Variants in ROBO2 observed in about 807,000 individuals in gnomAD.
The protein encoded by ROBO2 is roundabout homolog 2.
ROBO2 carries 53 observed loss-of-function variants against 160.8 expected under a neutral mutation model. The observed-to-expected ratio is 0.33, with a 90% confidence interval of 0.26 to 0.41. ROBO2 has a LOEUF of 0.41. Ranked by LOEUF, ROBO2 falls within the 10% of genes least tolerant of loss-of-function variation. ROBO2 has a pLI of 1.00. For synonymous variants in ROBO2, 664 were observed against 611.7 expected (o/e 1.09, Z -1.26); for missense variants, 1,577 against 1,722.4 (o/e 0.92, Z 1.49).
chr3:77,092,498 C>T (rs1303278194), intron 1 of ROBO2, among the ~76,000 whole-genome samples: 5 of 149,144 alleles, frequency 3.4e-5, no homozygotes, highest in African/African-American at 1.2e-4. Context: ...TCTTTAGGAT[C>T]CTCTGAACAA....
At chr3:77,451,682 C>T (rs1364345423) in intron 2 of ROBO2, among the ~76,000 whole-genome samples, 1 of 152,104 alleles carries the variant, frequency 6.6e-6, no homozygotes, top group Non-Finnish European at 1.5e-5. Context: ...TATCTCTCCC[C>T]TCTCCTGCCC....
chr3:76,227,012 G>A lies in ROBO2; in HGVS notation c.109+289410G>A, dbSNP rs535629476. 1.7e-4 allele frequency among the ~76,000 whole-genome samples: 26 copies of A among 152,292 alleles called. 1 individual carries two copies. In the Middle Eastern group the frequency reaches 0.017, roughly 100 times the overall value. On this transcript the variant is annotated intron_variant, in intron 2 of 26. Transcript: ENST00000487694. ...TCCAGGAACAAGAAGAGATGACGGG[G>A]CCTGGGTGTTGGCATTCACCAGCAT...
At chr3:77,446,364 G>T (rs2080510629) in intron 2 of ROBO2, among the ~76,000 whole-genome samples, 1 of 151,846 alleles carries the variant, frequency 6.6e-6, no homozygotes, top group Non-Finnish European at 1.5e-5. Flanking sequence ...TTCATAATTT[G>T]AAACCAATAA....
chr3:76,457,550 C>T (rs13072020), intron 2 of ROBO2, among the ~76,000 whole-genome samples: 50,595 of 151,918 alleles, frequency 0.33, 8,582 homozygotes, highest in East Asian at 0.37. Flanking sequence ...TGCAAGCTGT[C>T]GGTGGATCTG....
chr3:77,049,090 A>C (rs2064969514), intron 1 of ROBO2, among the ~76,000 whole-genome samples: 1 of 152,106 alleles, frequency 6.6e-6, no homozygotes, highest in African/African-American at 2.4e-5. Context: ...ACAATTTGGG[A>C]GGCTGAAGCT....
intron 17 of ROBO2, among the ~76,000 whole-genome samples, chr3:77,593,322 G>C (rs191581008): frequency 7.9e-5 from 12 of 151,314 alleles, no homozygotes; most frequent in Non-Finnish European, 2.9e-5. Flanking sequence ...AATATCTCCA[G>C]TGCTCAATTT....
intron 2 of ROBO2, among the ~76,000 whole-genome samples, chr3:76,770,815 A>T (rs1452554379): frequency 6.6e-6 from 1 of 151,288 alleles, no homozygotes; most frequent in Non-Finnish European, 1.5e-5. Flanking sequence ...AATGCCTCCA[A>T]CTGAGGTGAT....
chr3:76,943,700 T>C (rs1292860529), intron 2 of ROBO2, among the ~76,000 whole-genome samples: 1 of 152,204 alleles, frequency 6.6e-6, no homozygotes, highest in Non-Finnish European at 1.5e-5. Context: ...TTTGTATCAG[T>C]ACTTTTTTTT....
At position 76,789,306 on chromosome 3, in the gene ROBO2, C is replaced by A. The variant is rs1240552818; in HGVS notation, c.110-308708C>A. ...ATAGCAATGGCTTCGTTTTTCCAAG[C>A]AGAACAGTACAAATTACTGTTTAAT... On this transcript the variant is annotated intron_variant, in intron 2 of 26. Coordinates refer to the ROBO2 transcript ENST00000487694. Among the ~76,000 whole-genome samples, 6 of 151,386 alleles carry A rather than the reference C, an allele frequency of 4.0e-5. No homozygotes were observed. The Admixed American group carries it at 4.0e-4, about 10-fold the overall frequency.
chr3:77,007,457 A>G (rs557473352), intron 2 of ROBO2, among the ~76,000 whole-genome samples: 17 of 152,190 alleles, frequency 1.1e-4, no homozygotes, highest in African/African-American at 3.6e-4. Context: ...ACCCGGGTCT[A>G]TATATTTACA....
chr3:75,990,222 A>G (rs1029261092), intron 2 of ROBO2, among the ~76,000 whole-genome samples: 23 of 152,350 alleles, frequency 1.5e-4, no homozygotes, highest in African/African-American at 5.3e-4. Context: ...CAAGCTTATA[A>G]AGTATGTTTT....
chr3:76,922,732 C>T (rs1003102853), intron 2 of ROBO2, among the ~76,000 whole-genome samples: 5 of 152,204 alleles, frequency 3.3e-5, no homozygotes, highest in African/African-American at 1.2e-4. Context: ...CTCATCACTT[C>T]TCCCAGCCGC....
At chr3:75,919,679 G>T (rs1180201574) in intron 1 of ROBO2, among the ~76,000 whole-genome samples, 5 of 151,998 alleles carry the variant, frequency 3.3e-5, no homozygotes, top group South Asian at 4.1e-4. Context: ...GCTTTTTTTG[G>T]TTGGTAGGCT....
chr3:76,710,241 C>G (rs766026588), intron 2 of ROBO2, among the ~76,000 whole-genome samples: 3 of 152,076 alleles, frequency 2.0e-5, no homozygotes, highest in Non-Finnish European at 4.4e-5. Context: ...CTGCCTCAGC[C>G]TCCCGAGTAG....
intron 2 of ROBO2, among the ~76,000 whole-genome samples, chr3:76,098,644 A>T (rs564061611): frequency 2.0e-5 from 3 of 152,154 alleles, no homozygotes; most frequent in Non-Finnish European, 4.4e-5. Flanking sequence ...ATAAATTATC[A>T]TTTAAGACAT....
intron 2 of ROBO2, among the ~76,000 whole-genome samples, chr3:76,052,812 A>C (rs1398625137): frequency 6.6e-6 from 1 of 152,042 alleles, no homozygotes; most frequent in African/African-American, 2.4e-5. Flanking sequence ...ATATTTTGTA[A>C]AGCTCATTCT....
At chr3:77,462,274 C>T (rs948910329) in intron 2 of ROBO2, among the ~76,000 whole-genome samples, 1 of 152,114 alleles carries the variant, frequency 6.6e-6, no homozygotes, top group African/African-American at 2.4e-5. Context: ...AAAAGGTTGT[C>T]ATCGAATTCG....
intron 5 of ROBO2, among the ~76,000 whole-genome samples, chr3:77,521,796 A>T (rs1470807241): frequency 6.6e-6 from 1 of 151,294 alleles, no homozygotes; most frequent in African/African-American, 2.4e-5. Context: ...TGGTTATGGC[A>T]GTTTTAAATG....
intron 8 of ROBO2, among the ~76,000 whole-genome samples, chr3:77,553,734 A>T (rs554111058): frequency 2.6e-4 from 39 of 151,958 alleles, no homozygotes; most frequent in Non-Finnish European, 4.7e-4. Flanking sequence ...CAAGGCCCTA[A>T]CTGTCTTCAA....
Sources: allele counts gnomAD v4.1 joint callset (sites outside exome capture counted in the v4.1 genomes callset), GRCh38; gene constraint gnomAD v4.1.1; transcripts MANE v1.5; gene names NCBI Gene and HGNC (gene_info 2026-07-23, HGNC 2026-07-21).